Variants in NOX5 observed in about 807,000 individuals in gnomAD.
The protein encoded by NOX5 is NADPH oxidase, EF-hand calcium binding domain 5.
A neutral mutation model predicts 85.7 loss-of-function variants in NOX5; 76 were observed. The ratio of observed to expected loss-of-function variants is 0.89; its 90% CI spans 0.74 to 1.07. The LOEUF is 1.07. Ranked by LOEUF, NOX5 falls within the 50% of genes least tolerant of loss-of-function variation. The probability of loss-of-function intolerance (pLI) is 0.00; values close to 1 mark genes in which losing one functional copy is unlikely to be tolerated. For missense variants in NOX5, 973 were observed against 999.5 expected (o/e 0.97, Z 0.36); for synonymous variants, 405 against 401.4 (o/e 1.01, Z -0.11).
In NOX5 at chr15:69,035,859, G is replaced by C. The variant is rs1408457178; in HGVS notation, c.1111G>C (p.Gly371Arg). 1.9e-6 allele frequency: 3 copies of C among 1,614,018 alleles called. No individual in the cohort carries two copies. The highest frequency in any genetic ancestry group is 2.5e-6 in the Non-Finnish European group (3 of 1,179,980). The change falls in exon 7 of 16, where the codon GGT becomes CGT. Residue 371 changes from glycine (G) to arginine (R), a missense_variant. Transcript: ENST00000388866. Reference sequence around the variant, plus strand: ...GGTACACGGTTCGGCCTCCCCGACAGGTGTCGCTCTGCTGCTGCTGCTCCT... The same window carrying C: ...GGTACACGGTTCGGCCTCCCCGACACGTGTCGCTCTGCTGCTGCTGCTCCT... The part of the protein sequence containing the change: ...GWVHGSASPT[G>R]VALLLLLLLM...
chr15:69,040,113 G>A (rs2050574992), intron 9 of NOX5, among the ~76,000 whole-genome samples: 2 of 152,242 alleles, frequency 1.3e-5, no homozygotes, highest in Admixed American at 1.3e-4. Flanking sequence ...AGATCCCTCA[G>A]CTCACGATGT....
chr15:69,032,226 C>T (rs920506080), intron 4 of NOX5, among the ~76,000 whole-genome samples: 2 of 152,156 alleles, frequency 1.3e-5, no homozygotes, highest in Non-Finnish European at 2.9e-5. Flanking sequence ...AGGTCTCCAC[C>T]CTGCTGGGGC....
intron 8 of NOX5, chr15:69,037,499 A>G (rs916027548): frequency 2.5e-6 from 1 of 394,620 alleles, no homozygotes; most frequent in African/African-American, 2.0e-5. Flanking sequence ...ACAGGGTGCC[A>G]GGCCCTGAAC....
chr15:69,055,230 T>G, intron 14 of NOX5, 104 bp from the exon 15 acceptor site: 1 of 1,262,798 alleles, frequency 7.9e-7, no homozygotes. Flanking sequence ...AAAAGACCTA[T>G]GGGTCTCCTT....
At chr15:69,046,895 A>G in intron 11 of NOX5, 29 bp downstream of exon 11, 1 of 1,611,694 alleles carries the variant, frequency 6.2e-7, no homozygotes, top group Non-Finnish European at 8.5e-7. Flanking sequence ...GGACGTGAGC[A>G]ATAATGCCTG....
intron 1 of NOX5, among the ~76,000 whole-genome samples, chr15:69,019,496 A>T (rs1397774476): frequency 2.0e-5 from 3 of 152,236 alleles, no homozygotes; most frequent in Admixed American, 6.5e-5. Context: ...TTATCTCAAA[A>T]TGAAGAGTTT....
At position 69,037,127 on chromosome 15, in the gene NOX5, T is replaced by C. The variant is rs775226091; in HGVS notation, c.1288T>C (p.Phe430Leu). The C allele has an allele frequency of 5.0e-6, 8 of 1,613,936 alleles. No homozygotes were observed. In the East Asian group the frequency reaches 1.8e-4, roughly 36 times the overall value. ...GTGGCTGCTGGTGCCTGGAATCTTG[T>C]TTTTCCTGGAGAAGGCCATCGGACT... The part of the protein sequence containing the change: ...WKWLLVPGIL[F>L]FLEKAIGLAV... Residue 430 changes from phenylalanine to leucine, a missense_variant, in exon 8 of 16, where the codon TTT becomes CTT. Phe to Leu is a conservative substitution (Grantham distance 22). Transcript: ENST00000388866.
Position 69,035,420 on chromosome 15 carries a change from G to T in NOX5, c.922G>T (p.Asp308Tyr). 1 of 1,614,206 alleles carries T rather than the reference G, an allele frequency of 6.2e-7. No individual in the cohort carries two copies. Among genetic ancestry groups the T allele is most frequent in the Non-Finnish European group, 8.5e-7 (1 of 1,180,034 alleles). Residue 308 changes from aspartate (D) to tyrosine (Y), a missense_variant, in exon 6 of 16, where the codon GAC (aspartate) becomes TAC (tyrosine). Coordinates refer to ENST00000388866, the MANE Select transcript of NOX5 (RefSeq NM_024505.4). Reference protein sequence around the residue: ...ATWLAQVLPLDQNIQFHQLMG... With the variant: ...ATWLAQVLPLYQNIQFHQLMG... ...GTGGCTGGCTCAAGTCCTACCACTG[G>T]ACCAGAACATCCAGTTCCACCAGCT...
rs2050812603 is a variant in NOX5 at position 69,056,454 on chromosome 15, TG to T, written c.2167-110del. On this transcript the variant is annotated intron_variant, in intron 15 of 15. Transcript: ENST00000388866. Reference sequence around the variant, plus strand: ...TGCAGCTCCCTGTGTAAAATGGGAATGCTCATTGCTGCCGACCCGTTATGCT... The same window carrying T: ...TGCAGCTCCCTGTGTAAAATGGGAATCTCATTGCTGCCGACCCGTTATGCT... 2.9e-6 allele frequency: 4 copies of T among 1,377,622 alleles called. No homozygotes were observed. In the Admixed American group the frequency reaches 8.5e-5, roughly 29 times the overall value. 85.3% of individuals were successfully genotyped at this position (1,377,622 alleles called of 1,614,324 possible). A position where few individuals can be genotyped will look rare whatever the true frequency, so the allele number is the denominator to read the frequency against.
At chr15:69,023,163 G>C (rs149007661) in intron 1 of NOX5, 1 of 335,290 alleles carries the variant, frequency 3.0e-6, no homozygotes, top group Non-Finnish European at 5.6e-6. Context: ...GAAGACTGAA[G>C]CCACGGAGAC....
At position 69,059,640 on chromosome 15, in the gene NOX5, T is replaced by C. The variant is rs571152960; in HGVS notation, c.*2944T>C. ...CAGGTTCTGTCTGCCTCGGTGGACA[T>C]GTCATCGAAGGCAGCAGGACCACAC... On this transcript the variant is annotated 3_prime_UTR_variant, in exon 16 of 16. Transcript: ENST00000388866. The C allele has an allele frequency of 1.7e-4, 26 of 152,248 alleles. No homozygotes were observed. Among genetic ancestry groups the C allele is most frequent in the African/African-American group, 6.0e-4 (25 of 41,528 alleles). 9.4% of individuals were successfully genotyped at this position (152,248 alleles called of 1,614,324 possible).
At chr15:69,021,789 T>G (rs2050298413) in intron 1 of NOX5, among the ~76,000 whole-genome samples, 2 of 152,212 alleles carry the variant, frequency 1.3e-5, no homozygotes, top group African/African-American at 2.4e-5. Context: ...AATGTATATT[T>G]GGGGGTTTTA....
Position 69,033,091 on chromosome 15 carries a change from G to A in NOX5, c.669G>A (p.Arg223=). 1 of 1,555,468 alleles carries A rather than the reference G, an allele frequency of 6.4e-7. No homozygotes were observed. Among genetic ancestry groups the A allele is most frequent in the Non-Finnish European group, 8.6e-7 (1 of 1,158,670 alleles). ...TAPAPRPRPR[R]PRQLTRAYWH... The stretch of plus-strand genomic sequence containing the variant: ...CCGCCCCCCGCCCACGCCCGCGCCG[G>A]CCGCGCCAGCTGACCCGCGCCTACT... Residue 223 remains arginine (R), a synonymous_variant, in exon 5 of 16, where the codon CGG becomes CGA. Coordinates refer to ENST00000388866, the MANE Select transcript of NOX5 (RefSeq NM_024505.4).
At chr15:69,028,397 G>T (rs749243343) in intron 3 of NOX5, 32 bp downstream of exon 3, 3 of 1,544,400 alleles carry the variant, frequency 1.9e-6, no homozygotes, top group Non-Finnish European at 2.6e-6. Flanking sequence ...GGGCTGGGGT[G>T]GGGAGATCAG....
At chr15:69,028,669 A>C in intron 3 of NOX5, 1 of 219,332 alleles carries the variant, frequency 4.6e-6, no homozygotes. Flanking sequence ...GATCTTTTCT[A>C]TGTCTGAAAA....
intron 10 of NOX5, among the ~76,000 whole-genome samples, chr15:69,045,269 C>T (rs1308102883): frequency 6.6e-6 from 1 of 152,246 alleles, no homozygotes; most frequent in East Asian, 1.9e-4. Flanking sequence ...ATTTCTCTTA[C>T]ATCCCAACAT....
chr15:69,019,238 G>A (rs548507312), intron 1 of NOX5, among the ~76,000 whole-genome samples: 64 of 152,310 alleles, frequency 4.2e-4, no homozygotes, highest in African/African-American at 1.5e-3. Context: ...GGTCAGAGGA[G>A]GCCCAGTGGA....
At position 69,059,203 on chromosome 15, in the gene NOX5, C is replaced by T. The variant is rs988387946; in HGVS notation, c.*2507C>T. The T allele has an allele frequency of 5.3e-5, 8 of 152,194 alleles. No homozygotes were observed. The highest frequency in any genetic ancestry group is 1.7e-4 in the African/African-American group (7 of 41,432). The allele number at this position is 152,194 out of a possible 1,614,324, so 9.4% of individuals were successfully genotyped here. On this transcript the variant is annotated 3_prime_UTR_variant, in exon 16 of 16. Coordinates refer to ENST00000388866, the MANE Select transcript of NOX5 (RefSeq NM_024505.4). Reference sequence around the variant, plus strand: ...AATCCGTGAATGCCCACATGTGTGACGACCATATGCCCGTGTCCTGAGGTT... The same window carrying T: ...AATCCGTGAATGCCCACATGTGTGATGACCATATGCCCGTGTCCTGAGGTT...
At chr15:69,048,421 T>C (rs1369585906) in intron 13 of NOX5, among the ~76,000 whole-genome samples, 1 of 152,032 alleles carries the variant, frequency 6.6e-6, no homozygotes, top group Non-Finnish European at 1.5e-5. Flanking sequence ...TGGTCCCAGC[T>C]ACTTGGGAGA....
Sources: gnomAD v4.1 joint callset for allele counts (sites outside exome capture counted in the v4.1 genomes callset) on GRCh38, gnomAD v4.1.1 for gene constraint, MANE v1.5 for transcripts, NCBI Gene and HGNC (gene_info 2026-07-23, HGNC 2026-07-21) for gene names.